AMPH: variants seen among roughly 807,000 people sequenced by gnomAD.
AMPH encodes amphiphysin (Stiff-Mann syndrome with breast cancer 128kD autoantigen).
Under a neutral mutation model 99.1 loss-of-function variants are expected in AMPH, and 49 were observed. The ratio of observed to expected loss-of-function variants is 0.49; its 90% CI spans 0.39 to 0.63. AMPH has a LOEUF of 0.63. Ranked by LOEUF, AMPH falls within the 20% of genes least tolerant of loss-of-function variation. The pLI is 0.00. For missense variants in AMPH, 759 were observed against 863.4 expected (o/e 0.88, Z 1.52); for synonymous variants, 314 against 317.3 (o/e 0.99, Z 0.11).
At chr7:38,585,569 T>C (rs2129056464) in intron 1 of AMPH, among the ~76,000 whole-genome samples, 1 of 152,312 alleles carries the variant, frequency 6.6e-6, no homozygotes, top group South Asian at 2.1e-4. Flanking sequence ...ATATGGATCT[T>C]TGAGGAAACA....
At chr7:38,615,135 C>T (rs17500060) in intron 1 of AMPH, among the ~76,000 whole-genome samples, 5,610 of 152,208 alleles carry the variant, frequency 0.037, 167 homozygotes, top group Admixed American at 0.079. Flanking sequence ...ATGAGACTTC[C>T]GAGATCAATT....
chr7:38,593,817 G>A (rs1399398898), intron 1 of AMPH, among the ~76,000 whole-genome samples: 1 of 152,178 alleles, frequency 6.6e-6, no homozygotes, highest in Non-Finnish European at 1.5e-5. Context: ...AAAACACATA[G>A]TGCGTGAGAT....
At chr7:38,441,835 C>CATAT (rs1336300006) in intron 11 of AMPH, among the ~76,000 whole-genome samples, 1 of 119,852 alleles carries the variant, frequency 8.3e-6, no homozygotes. Context: ...TCATATATAT[C>CATAT]ATATATCATA....
intron 2 of AMPH, among the ~76,000 whole-genome samples, chr7:38,506,766 C>T (rs1202635491): frequency 6.6e-6 from 1 of 152,140 alleles, no homozygotes; most frequent in Non-Finnish European, 1.5e-5. Context: ...ATTTTACAAC[C>T]ACTAAGCCAC....
At chr7:38,386,958 G>C (rs1562718775) in intron 20 of AMPH, among the ~76,000 whole-genome samples, 1 of 152,134 alleles carries the variant, frequency 6.6e-6, no homozygotes, top group African/African-American at 2.4e-5. Flanking sequence ...GTACACTCAG[G>C]GGGGTTATCT....
At chr7:38,506,350 C>G (rs1789323581) in intron 2 of AMPH, among the ~76,000 whole-genome samples, 1 of 152,062 alleles carries the variant, frequency 6.6e-6, no homozygotes, top group South Asian at 2.1e-4. Context: ...TTTACAGAAA[C>G]ATTTCAGAAA....
At chr7:38,514,062 C>A (rs1789643030) in intron 2 of AMPH, among the ~76,000 whole-genome samples, 2 of 152,142 alleles carry the variant, frequency 1.3e-5, no homozygotes, top group African/African-American at 4.8e-5. Context: ...CTTATTCTTG[C>A]CTTACTTGGT....
At chr7:38,506,925 G>C (rs767293191) in intron 2 of AMPH, among the ~76,000 whole-genome samples, 1 of 152,166 alleles carries the variant, frequency 6.6e-6, no homozygotes, top group Non-Finnish European at 1.5e-5. Context: ...GTTAAGCAAG[G>C]CTCACTTCTC....
At chr7:38,503,500 G>C (rs1031754199) in intron 3 of AMPH, 150 bp downstream of exon 3, 3 of 544,866 alleles carry the variant, frequency 5.5e-6, no homozygotes, top group Non-Finnish European at 6.4e-6. Flanking sequence ...TGGGGCGGGG[G>C]GGTGGGTGGT....
intron 1 of AMPH, among the ~76,000 whole-genome samples, chr7:38,587,949 T>TGTGTGTGTGTGC (rs931620644): frequency 4.8e-5 from 7 of 146,198 alleles, no homozygotes; most frequent in South Asian, 2.2e-4. Context: ...TGTGTGTGTG[T>TGTGTGTGTGTGC]GCGCGTGTGT....
At chr7:38,598,729 GTCA>G (rs112456167) in intron 1 of AMPH, among the ~76,000 whole-genome samples, 5,920 of 152,004 alleles carry the variant, frequency 0.039, 315 homozygotes, top group African/African-American at 0.13. Context: ...TTCTTGATTT[GTCA>G]TCTTAGTTAT....
chr7:38,458,914 G>C (rs1219670610), intron 11 of AMPH, among the ~76,000 whole-genome samples: 2 of 152,086 alleles, frequency 1.3e-5, no homozygotes, highest in Admixed American at 6.5e-5. Context: ...AATTGGATAA[G>C]AAGAAGCCAA....
At chr7:38,589,485 A>G (rs1334046020) in intron 1 of AMPH, among the ~76,000 whole-genome samples, 1 of 152,194 alleles carries the variant, frequency 6.6e-6, no homozygotes, top group Non-Finnish European at 1.5e-5. Context: ...AAATAGCAGA[A>G]TGTTTAATGG....
chr7:38,444,123 G>T (rs946399748), intron 11 of AMPH, among the ~76,000 whole-genome samples: 2 of 152,102 alleles, frequency 1.3e-5, no homozygotes, highest in African/African-American at 4.8e-5. Flanking sequence ...TCCAACAAAA[G>T]ATGTATAATG....
chr7:38,540,795 G>A (rs565271658), intron 1 of AMPH, among the ~76,000 whole-genome samples: 76 of 145,722 alleles, frequency 5.2e-4, no homozygotes, highest in Non-Finnish European at 1.0e-3. Flanking sequence ...CAAGGTGAAG[G>A]CCAGGCATGG....
chr7:38,403,183 T>TG (rs1784889537), intron 17 of AMPH, among the ~76,000 whole-genome samples: 1 of 152,132 alleles, frequency 6.6e-6, no homozygotes, highest in Non-Finnish European at 1.5e-5. Flanking sequence ...CAGGACCTGT[T>TG]GGAGTTCCCA....
At chr7:38,525,155 G>A (rs1270422527) in intron 2 of AMPH, among the ~76,000 whole-genome samples, 1 of 143,252 alleles carries the variant, frequency 7.0e-6, no homozygotes, top group Non-Finnish European at 1.5e-5. Flanking sequence ...TGTGTTACTT[G>A]TGTGTATATA....
At chr7:38,391,599 G>T in intron 19 of AMPH, 149 bp downstream of exon 19, 1 of 779,502 alleles carries the variant, frequency 1.3e-6, no homozygotes, top group Non-Finnish European at 2.0e-6. Flanking sequence ...TGTAGTCCTG[G>T]CTTGTCCAAG....
chr7:38,408,519 T>C (rs1785119840), intron 17 of AMPH, among the ~76,000 whole-genome samples: 1 of 152,078 alleles, frequency 6.6e-6, no homozygotes, highest in Non-Finnish European at 1.5e-5. Context: ...CCCAGCACTT[T>C]GGGAGGCCGA....
Sources: allele counts gnomAD v4.1 joint callset (sites outside exome capture counted in the v4.1 genomes callset), GRCh38; gene constraint gnomAD v4.1.1; transcripts MANE v1.5; gene names NCBI Gene and HGNC (gene_info 2026-07-23, HGNC 2026-07-21).